CCSER1: variants seen among roughly 807,000 people sequenced by gnomAD.
CCSER1 encodes the protein serine-rich coiled-coil domain-containing protein 1.
Under a neutral mutation model 82.0 loss-of-function variants are expected in CCSER1, and 41 were observed. That is an observed-to-expected ratio of 0.50 (90% confidence interval 0.39 to 0.65). CCSER1 has a LOEUF of 0.65. CCSER1 is among the 30% of genes least tolerant of loss of function. CCSER1 has a pLI of 0.00. For missense variants in CCSER1, 1,119 were observed against 1,064.2 expected, an observed-to-expected ratio of 1.05 and a Z score of -0.72; for synonymous variants, 414 against 383.9, an observed-to-expected ratio of 1.08 and a Z score of -0.92.
At chr4:90,167,824 A>C (rs949938475) in intron 1 of CCSER1, among the ~76,000 whole-genome samples, 1 of 152,074 alleles carries the variant, frequency 6.6e-6, no homozygotes, top group African/African-American at 2.4e-5. Flanking sequence ...TTATGGCTGC[A>C]TAGTATTCCA....
chr4:91,497,610 T>A (rs1236784746), intron 10 of CCSER1, among the ~76,000 whole-genome samples: 2 of 151,798 alleles, frequency 1.3e-5, no homozygotes, highest in Non-Finnish European at 2.9e-5. Flanking sequence ...TTAAAGGAGT[T>A]ACCGTGTTCA....
At chr4:91,271,370 A>G (rs72877046) in intron 10 of CCSER1, among the ~76,000 whole-genome samples, 3,301 of 152,150 alleles carry the variant, frequency 0.022, 124 homozygotes, top group African/African-American at 0.076. Context: ...TCATCACCCA[A>G]GCAGTTTACA....
chr4:90,523,069 C>T (rs1383894058), intron 5 of CCSER1, among the ~76,000 whole-genome samples: 1 of 152,020 alleles, frequency 6.6e-6, no homozygotes, highest in Non-Finnish European at 1.5e-5. Flanking sequence ...AAAGAATCTT[C>T]AGGTAGGAAT....
At chr4:91,380,469 A>T (rs546487311) in intron 10 of CCSER1, among the ~76,000 whole-genome samples, 2,919 of 152,036 alleles carry the variant, frequency 0.019, 70 homozygotes, top group African/African-American at 0.065. Flanking sequence ...AGTTAGCTCT[A>T]CTTGTTGAAT....
intron 5 of CCSER1, among the ~76,000 whole-genome samples, chr4:90,552,295 CT>C (rs1207368252): frequency 6.6e-6 from 1 of 151,970 alleles, no homozygotes; most frequent in Non-Finnish European, 1.5e-5. Context: ...TGATGATTTT[CT>C]TTTTTATGGT....
intron 7 of CCSER1, among the ~76,000 whole-genome samples, chr4:90,815,211 T>A (rs1347932234): frequency 4.0e-5 from 6 of 151,822 alleles, no homozygotes; most frequent in African/African-American, 1.5e-4. Context: ...AACCATCAGA[T>A]CTCATGAGAA....
intron 9 of CCSER1, among the ~76,000 whole-genome samples, chr4:91,023,643 T>C (rs1056735352): frequency 3.9e-5 from 6 of 152,168 alleles, no homozygotes; most frequent in Admixed American, 3.3e-4. Flanking sequence ...TTACACCTTA[T>C]ACCAAAATTA....
At chr4:90,325,546 A>T (rs1014148246) in intron 3 of CCSER1, 1 of 278,106 alleles carries the variant, frequency 3.6e-6, no homozygotes, top group East Asian at 1.0e-4. Context: ...AGCTAACTGA[A>T]TGGGCTGGGA....
intron 9 of CCSER1, among the ~76,000 whole-genome samples, chr4:91,066,098 G>A (rs72886663): frequency 0.022 from 3,278 of 152,210 alleles, 105 homozygotes; most frequent in African/African-American, 0.073. Flanking sequence ...GGAATGAGAT[G>A]TGCTTGAGAT....
intron 5 of CCSER1, among the ~76,000 whole-genome samples, chr4:90,543,469 A>G (rs1434074465): frequency 1.3e-5 from 2 of 152,198 alleles, no homozygotes; most frequent in East Asian, 1.9e-4. Flanking sequence ...TTAGCAACCA[A>G]TGAAAATAAG....
At chr4:91,245,109 A>G (rs1011062281) in intron 10 of CCSER1, among the ~76,000 whole-genome samples, 4 of 152,040 alleles carry the variant, frequency 2.6e-5, no homozygotes, top group African/African-American at 9.7e-5. Flanking sequence ...CAAAAGAAAA[A>G]AGAATAGAAA....
At chr4:90,479,380 C>A (rs373362815) in intron 5 of CCSER1, among the ~76,000 whole-genome samples, 15 of 152,072 alleles carry the variant, frequency 9.9e-5, no homozygotes, top group African/African-American at 3.1e-4. Context: ...CTAGCTATTT[C>A]TTTTTCGTCT....
At chr4:91,137,692 A>C (rs542518574) in intron 10 of CCSER1, among the ~76,000 whole-genome samples, 2 of 151,202 alleles carry the variant, frequency 1.3e-5, no homozygotes, top group Admixed American at 1.3e-4. Context: ...TGACTTTTTA[A>C]TGATTGCCAT....
chr4:90,482,929 T>C (rs2153599268), intron 5 of CCSER1, among the ~76,000 whole-genome samples: 1 of 152,338 alleles, frequency 6.6e-6, no homozygotes, highest in Admixed American at 6.5e-5. Flanking sequence ...GATATCCTTG[T>C]TAACTTTCTG....
chr4:90,128,516 T>TGTGTGC (rs994567297), intron 1 of CCSER1, among the ~76,000 whole-genome samples: 22 of 128,588 alleles, frequency 1.7e-4, no homozygotes, highest in South Asian at 2.6e-4. Flanking sequence ...TGTGTGTGTG[T>TGTGTGC]GCGCGCGCGC....
At chr4:90,362,303 G>A (rs543035967) in intron 3 of CCSER1, among the ~76,000 whole-genome samples, 1 of 152,202 alleles carries the variant, frequency 6.6e-6, no homozygotes. Flanking sequence ...GAAAGTTTTG[G>A]TGAAAAACAA....
chr4:90,774,870 T>C (rs1752695903), intron 7 of CCSER1, among the ~76,000 whole-genome samples: 1 of 152,218 alleles, frequency 6.6e-6, no homozygotes, highest in Non-Finnish European at 1.5e-5. Context: ...TCTGTTCTTA[T>C]TCCAAAAAGA....
At chr4:90,468,197 A>C in intron 4 of CCSER1, 37 bp from the exon 5 acceptor site, 4 of 1,562,146 alleles carry the variant, frequency 2.6e-6, no homozygotes, top group Non-Finnish European at 3.5e-6. Flanking sequence ...TTCATAAATA[A>C]TTTTGACATT....
intron 6 of CCSER1, among the ~76,000 whole-genome samples, chr4:90,661,921 T>G (rs956491523): frequency 6.6e-6 from 1 of 151,972 alleles, no homozygotes; most frequent in Non-Finnish European, 1.5e-5. Flanking sequence ...AAAAAATTTA[T>G]TTTAGGTCTG....
Sources: allele counts gnomAD v4.1 joint callset (sites outside exome capture counted in the v4.1 genomes callset), GRCh38; gene constraint gnomAD v4.1.1; transcripts MANE v1.5; gene names NCBI Gene and HGNC (gene_info 2026-07-23, HGNC 2026-07-21).